The following MAP4 variants were observed in gnomAD, a reference collection of about 807,000 sequenced individuals.
MAP4 encodes microtubule associated protein 4.
MAP4 carries 76 observed loss-of-function variants against 170.2 expected under a neutral mutation model. The ratio of observed to expected loss-of-function variants is 0.45; its 90% CI spans 0.37 to 0.54. MAP4 has a LOEUF of 0.54. MAP4 is among the 20% of genes least tolerant of loss of function. The pLI is 0.00. For missense variants in MAP4, 2,506 were observed against 2,748.0 expected (o/e 0.91, Z 1.97); for synonymous variants, 909 against 994.5 (o/e 0.91, Z 1.62).
At chr3:47,908,448 A>G (rs1288319231) in intron 9 of MAP4, among the ~76,000 whole-genome samples, 1 of 152,206 alleles carries the variant, frequency 6.6e-6, no homozygotes, top group Non-Finnish European at 1.5e-5. Flanking sequence ...ATGTATCTGT[A>G]TCATTGAGAG....
At chr3:48,049,523 A>G (rs925865750) in intron 1 of MAP4, among the ~76,000 whole-genome samples, 1 of 152,136 alleles carries the variant, frequency 6.6e-6, no homozygotes, top group Non-Finnish European at 1.5e-5. Flanking sequence ...GGGAGGATGA[A>G]GTGGGAAGAT....
At chr3:48,057,646 GAA>G (rs569379277) in intron 1 of MAP4, among the ~76,000 whole-genome samples, 83 of 131,964 alleles carry the variant, frequency 6.3e-4, no homozygotes, top group African/African-American at 1.9e-3. Context: ...AGAAAAAAAA[GAA>G]AAAAAAAAAA....
At chr3:47,940,301 T>G (rs2100055472) in intron 3 of MAP4, among the ~76,000 whole-genome samples, 1 of 152,178 alleles carries the variant, frequency 6.6e-6, no homozygotes, top group Non-Finnish European at 1.5e-5. Flanking sequence ...CACATCTTTA[T>G]TCAATACTGC....
chr3:47,851,283 G>T lies in MAP4; in HGVS notation c.*1651C>A. 6.6e-6 allele frequency: 1 copy of T among 152,156 alleles called. No homozygotes were observed. The allele number at this position is 152,156 out of a possible 1,614,324, so 9.4% of individuals were successfully genotyped here. On this transcript the variant is annotated 3_prime_UTR_variant, in exon 21 of 21. Coordinates refer to ENST00000683076, the MANE Select transcript of MAP4 (RefSeq NM_001385682.1). Reference sequence around the variant, plus strand: ...TTCCTGGTGTGTGCTTGGGGAGCTAGGGACATGGTGTCAAACCTCCACAAG... The same window carrying T: ...TTCCTGGTGTGTGCTTGGGGAGCTATGGACATGGTGTCAAACCTCCACAAG...
Position 47,996,192 on chromosome 3 carries a change from C to G in MAP4, c.223+2446G>C, listed in dbSNP as rs530570813. 5.3e-5 allele frequency among the ~76,000 whole-genome samples: 8 copies of G among 152,236 alleles called. No homozygotes were observed. In the South Asian group the frequency reaches 1.7e-3, roughly 32 times the overall value. ...CAAACCCTGTCAACCCCAGAGCACA[C>G]AAGAAGACCGGCTGTAGCTAGGGAA... On this transcript the variant is annotated intron_variant, in intron 2 of 20. Coordinates refer to ENST00000683076, the MANE Select transcript of MAP4 (RefSeq NM_001385682.1).
rs1246832208 is a variant in MAP4, at chr3:47,974,512, G to A, written c.292+3353C>T. On this transcript the variant is annotated intron_variant, in intron 3 of 20. Transcript: ENST00000683076. ...AGCTGAAATAATCTGTACCTTGGGGGTTATAAGAAGCTGCATAATCAGTAA... is the reference window on the plus strand; with the variant it reads ...AGCTGAAATAATCTGTACCTTGGGGATTATAAGAAGCTGCATAATCAGTAA... 3 of 983,042 alleles carry A rather than the reference G, an allele frequency of 3.1e-6. No individual in the cohort carries two copies. The African/African-American group carries it at 5.2e-5, about 17-fold the overall frequency. 60.9% of individuals were successfully genotyped at this position (983,042 alleles called of 1,614,324 possible). A position where few individuals can be genotyped will look rare whatever the true frequency, so the allele number is the denominator to read the frequency against.
chr3:48,047,869 A>T (rs1249889932), intron 1 of MAP4, among the ~76,000 whole-genome samples: 1 of 152,202 alleles, frequency 6.6e-6, no homozygotes, highest in African/African-American at 2.4e-5. Flanking sequence ...CAGCTACACA[A>T]ATATTTGGTA....
At chr3:47,946,424 T>C (rs1395366263) in intron 3 of MAP4, among the ~76,000 whole-genome samples, 1 of 150,620 alleles carries the variant, frequency 6.6e-6, no homozygotes, top group Non-Finnish European at 1.5e-5. Flanking sequence ...GAGGCTGAGG[T>C]GGGCAGATCA....
intron 3 of MAP4, among the ~76,000 whole-genome samples, chr3:47,971,069 T>C (rs1350375355): frequency 6.6e-6 from 1 of 152,240 alleles, no homozygotes; most frequent in Non-Finnish European, 1.5e-5. Context: ...AGAAATTCTG[T>C]ATTTTTATTA....
intron 1 of MAP4, among the ~76,000 whole-genome samples, chr3:48,087,745 G>GCGCGCACA (rs1491486983): frequency 2.8e-5 from 3 of 105,614 alleles, no homozygotes; most frequent in African/African-American, 6.4e-5. Flanking sequence ...ACACGCACGC[G>GCGCGCACA]CACACACACA....
chr3:47,865,464 C>G (rs1318387757), intron 17 of MAP4, among the ~76,000 whole-genome samples: 23 of 152,150 alleles, frequency 1.5e-4, no homozygotes, highest in Non-Finnish European at 2.5e-4. Flanking sequence ...CATTTCTACC[C>G]AGGCCAGGAA....
rs1043755872 is a variant in MAP4 at position 47,851,600 on chromosome 3, C to CA, written c.*1333dup. The CA allele has an allele frequency of 3.3e-5, 5 of 152,154 alleles. No individual in the cohort carries two copies. Among genetic ancestry groups the CA allele is most frequent in the African/African-American group, 1.2e-4 (5 of 41,430 alleles). The allele number at this position is 152,154 out of a possible 1,614,324, so 9.4% of individuals were successfully genotyped here. ...ATTAGAAACCATGCAAACTTTAATA[C>CA]AAAAAATACAAGTGCAATAAGAATC... On this transcript the variant is annotated 3_prime_UTR_variant, in exon 21 of 21. Coordinates refer to ENST00000683076, the MANE Select transcript of MAP4 (RefSeq NM_001385682.1).
intron 1 of MAP4, among the ~76,000 whole-genome samples, chr3:48,070,459 ATCT>A (rs2100140387): frequency 6.7e-6 from 1 of 148,706 alleles, no homozygotes; most frequent in Admixed American, 6.7e-5. Context: ...TGGTAATTTC[ATCT>A]TCTTTATCTG....
chr3:48,060,595 C>CA (rs2100134649), intron 1 of MAP4, among the ~76,000 whole-genome samples: 1 of 151,974 alleles, frequency 6.6e-6, no homozygotes, highest in Non-Finnish European at 1.5e-5. Flanking sequence ...TTGCAAAACA[C>CA]ATCTCTGACA....
In MAP4 at chr3:47,891,837, C is replaced by T. The variant is rs893611742; in HGVS notation, c.5434+11113G>A. On this transcript the variant is annotated intron_variant, in intron 10 of 20. Transcript: ENST00000683076. ...AGCTGCTCAGAGTTATCATTTACCA[C>T]CCCAATCACTGGGCAGCCAGGGGTG... 5 of 1,536,154 alleles carry T rather than the reference C, an allele frequency of 3.3e-6. No homozygotes were observed. In the African/African-American group the frequency reaches 4.1e-5, roughly 13 times the overall value.
upstream of MAP4, among the ~76,000 whole-genome samples, chr3:48,020,354 G>A (rs944909671): frequency 3.9e-5 from 6 of 152,168 alleles, no homozygotes; most frequent in Non-Finnish European, 5.9e-5. Context: ...TGCTAGGTGC[G>A]CTCTGCTCCA....
chr3:47,858,040 T>TA (rs1553721273), intron 17 of MAP4, among the ~76,000 whole-genome samples: 12 of 145,200 alleles, frequency 8.3e-5, no homozygotes, highest in Admixed American at 2.8e-4. Context: ...TTTTTTTTTT[T>TA]AAGACAGAGT....
At chr3:47,994,267 A>G (rs1578970874) in intron 2 of MAP4, among the ~76,000 whole-genome samples, 1 of 152,202 alleles carries the variant, frequency 6.6e-6, no homozygotes, top group Non-Finnish European at 1.5e-5. Flanking sequence ...GGGAAAATCT[A>G]TTCTCTCTTA....
At chr3:47,923,502 A>AGG (rs1406812637) in intron 4 of MAP4, among the ~76,000 whole-genome samples, 2 of 150,024 alleles carry the variant, frequency 1.3e-5, no homozygotes, top group African/African-American at 4.9e-5. Context: ...TCTTGAGCCC[A>AGG]GGGGTTCAAG....
Sources: allele counts gnomAD v4.1 joint callset (sites outside exome capture counted in the v4.1 genomes callset), GRCh38; gene constraint gnomAD v4.1.1; transcripts MANE v1.5; gene names NCBI Gene and HGNC (gene_info 2026-07-23, HGNC 2026-07-21).